CARS2: variants seen among roughly 807,000 people sequenced by gnomAD.
The protein encoded by CARS2 is cysteinyl-tRNA synthetase 2, mitochondrial.
In CARS2, 52 loss-of-function variants were observed where a neutral mutation model predicts 68.8. That is an observed-to-expected ratio of 0.76 (90% CI 0.61 to 0.95). The LOEUF (loss-of-function observed/expected upper bound fraction) is 0.95, where lower values mean the gene tolerates loss of function less well. CARS2 is among the 40% of genes least tolerant of loss of function. The pLI is 0.00. For synonymous variants in CARS2, 314 were observed against 303.6 expected (o/e 1.03, Z -0.36); for missense variants, 780 against 754.2 (o/e 1.03, Z -0.40).
At chr13:110,697,700 T>C (rs757138915) in intron 3 of CARS2, among the ~76,000 whole-genome samples, 10 of 152,226 alleles carry the variant, frequency 6.6e-5, no homozygotes, top group Non-Finnish European at 1.3e-4. Flanking sequence ...TTCCAAAGTA[T>C]AGGATTACAG....
At position 110,644,868 on chromosome 13, in the gene CARS2, G is replaced by C. The variant is rs142286459; in HGVS notation, c.1318-385C>G. 2.8e-3 allele frequency: 585 copies of C among 206,420 alleles called. 1 individual carries two copies. Among genetic ancestry groups the C allele is most frequent in the Non-Finnish European group, 3.6e-3 (355 of 98,204 alleles). The allele number at this position is 206,420 out of a possible 1,614,324, so 12.8% of individuals were successfully genotyped here. A position where few individuals can be genotyped will look rare whatever the true frequency, so the allele number is the denominator to read the frequency against. On this transcript the variant is annotated intron_variant, in intron 12 of 14. Transcript: ENST00000257347. ...GCTCACATCAGTTACCAAGCACAGA[G>C]ACCCTTGGGTGACACTAGCCTTAGT...
intron 9 of CARS2, among the ~76,000 whole-genome samples, chr13:110,655,268 C>A (rs1409083587): frequency 6.6e-6 from 1 of 152,184 alleles, no homozygotes; most frequent in African/African-American, 2.4e-5. Flanking sequence ...AATAAAATCA[C>A]GGTGCCTCCC....
chr13:110,673,501 C>A (rs1321341253), intron 7 of CARS2, among the ~76,000 whole-genome samples: 1 of 152,038 alleles, frequency 6.6e-6, no homozygotes, highest in Non-Finnish European at 1.5e-5. Context: ...GGCCTTTTGA[C>A]AAAATTCAAC....
At chr13:110,698,788 G>C (rs1049628124) in intron 3 of CARS2, among the ~76,000 whole-genome samples, 11 of 152,060 alleles carry the variant, frequency 7.2e-5, no homozygotes, top group Admixed American at 5.2e-4. Context: ...AGGATTGCTT[G>C]AGCTCAGGAG....
intron 3 of CARS2, among the ~76,000 whole-genome samples, chr13:110,689,760 G>C (rs146025697): frequency 6.6e-6 from 1 of 152,270 alleles, no homozygotes; most frequent in African/African-American, 2.4e-5. Flanking sequence ...ATACACTTCA[G>C]CCCCTCTCCT....
chr13:110,671,320 T>C (rs4268629), intron 7 of CARS2, among the ~76,000 whole-genome samples: 117,881 of 152,018 alleles, frequency 0.78, 46,422 homozygotes, highest in Middle Eastern at 0.85. Flanking sequence ...GAGAGAAAGG[T>C]CGGGTTACCC....
intron 6 of CARS2, among the ~76,000 whole-genome samples, chr13:110,679,680 GA>G: frequency 8.1e-6 from 1 of 124,054 alleles, no homozygotes; most frequent in African/African-American, 2.9e-5. Context: ...GGGAGGGAGG[GA>G]GGGAAAGGGA....
At chr13:110,673,004 A>G (rs2062842312) in intron 7 of CARS2, among the ~76,000 whole-genome samples, 1 of 152,224 alleles carries the variant, frequency 6.6e-6, no homozygotes, top group African/African-American at 2.4e-5. Flanking sequence ...CACCCTCCCA[A>G]GACTAAACCA....
chr13:110,666,508 G>C (rs530377606), intron 8 of CARS2: 2 of 985,320 alleles, frequency 2.0e-6, no homozygotes, highest in Middle Eastern at 5.2e-4. Context: ...GGGTAAGCCC[G>C]GGGTGAAGGA....
At chr13:110,663,062 A>G (rs1173100948) in intron 9 of CARS2, 1 of 465,694 alleles carries the variant, frequency 2.1e-6, no homozygotes, top group Non-Finnish European at 4.3e-6. Flanking sequence ...TATTAAGGGC[A>G]AACAGCAAAA....
chr13:110,667,375 T>C lies in CARS2; in HGVS notation c.884A>G (p.Gln295Arg). ...AAAATAATTTCCCCACTGCTCGCACTGATGAAAGACTTCGCACTGTGCAAT... is the reference window on the plus strand; with the variant it reads ...AAAATAATTTCCCCACTGCTCGCACCGATGAAAGACTTCGCACTGTGCAAT... ...NEIAQCEVFH[Q>R]CEQWGNYFLH... Residue 295 changes from glutamine to arginine, a missense_variant, in exon 8 of 15, where the codon CAG becomes CGG. Physicochemically the swap from Gln to Arg is conservative, Grantham distance 43 (BLOSUM62 1). Transcript: ENST00000257347. 1 of 1,613,612 alleles carries C rather than the reference T, an allele frequency of 6.2e-7. No individual in the cohort carries two copies.
intron 5 of CARS2, among the ~76,000 whole-genome samples, chr13:110,684,445 T>C (rs1035585504): frequency 6.0e-5 from 9 of 150,116 alleles, no homozygotes; most frequent in Non-Finnish European, 1.2e-4. Flanking sequence ...TGTCCTCTGG[T>C]TCATCCCCAG....
intron 3 of CARS2, among the ~76,000 whole-genome samples, chr13:110,692,021 T>TACAC (rs2063478223): frequency 1.5e-5 from 1 of 65,298 alleles, no homozygotes; most frequent in Non-Finnish European, 3.9e-5. Flanking sequence ...TATATATATA[T>TACAC]ATACACACAC....
intron 3 of CARS2, among the ~76,000 whole-genome samples, chr13:110,697,662 C>T (rs12585047): frequency 0.19 from 28,244 of 152,250 alleles, 3,031 homozygotes; most frequent in Admixed American, 0.33. Flanking sequence ...AGACTGGTCT[C>T]TAACTCCTGG....
intron 12 of CARS2, chr13:110,645,652 C>T (rs1888009884): frequency 7.7e-6 from 2 of 259,846 alleles, no homozygotes; most frequent in African/African-American, 2.2e-5. Flanking sequence ...CAAAAGCTCT[C>T]TCTGTGAAAG....
intron 3 of CARS2, among the ~76,000 whole-genome samples, chr13:110,693,390 C>T (rs565093928): frequency 1.3e-5 from 2 of 152,106 alleles, no homozygotes; most frequent in African/African-American, 4.8e-5. Context: ...GAGGCAGTCT[C>T]GCTCTGTCGC....
intron 10 of CARS2, 29 bp from the exon 11 acceptor site, chr13:110,647,268 G>A (rs1015709182): frequency 4.7e-5 from 75 of 1,603,338 alleles, no homozygotes; most frequent in Non-Finnish European, 5.9e-5. Flanking sequence ...TCACTGAGGC[G>A]GTGCCCACCA....
chr13:110,675,926 C>T (rs900337472), intron 7 of CARS2, among the ~76,000 whole-genome samples: 4 of 152,126 alleles, frequency 2.6e-5, no homozygotes, highest in African/African-American at 7.2e-5. Flanking sequence ...GAGGCCAAGG[C>T]GGGCGGATTA....
intron 7 of CARS2, among the ~76,000 whole-genome samples, chr13:110,671,782 G>A (rs2062809315): frequency 6.6e-6 from 1 of 152,304 alleles, no homozygotes; most frequent in Non-Finnish European, 1.5e-5. Context: ...ATTGGATGAA[G>A]AGTCAAGACC....
Sources: allele counts gnomAD v4.1 joint callset (sites outside exome capture counted in the v4.1 genomes callset), GRCh38; gene constraint gnomAD v4.1.1; transcripts MANE v1.5; gene names NCBI Gene and HGNC (gene_info 2026-07-23, HGNC 2026-07-21).